Variants in CNTN1 observed in about 807,000 individuals in gnomAD.
CNTN1 encodes contactin 1.
A neutral mutation model predicts 126.4 loss-of-function variants in CNTN1; 38 were observed. The ratio of observed to expected loss-of-function variants is 0.30; its 90% CI spans 0.23 to 0.39. CNTN1 has a LOEUF of 0.39. Ranked by LOEUF, CNTN1 falls within the 10% of genes least tolerant of loss-of-function variation. CNTN1 has a pLI of 1.00. For synonymous variants in CNTN1, 413 were observed against 422.6 expected, an observed-to-expected ratio of 0.98 and a Z score of 0.28; for missense variants, 1,009 against 1,248.4, an observed-to-expected ratio of 0.81 and a Z score of 2.89.
intron 2 of CNTN1, 29 bp from the exon 3 acceptor site, chr12:40,910,044 A>T (rs1944971706): frequency 6.4e-7 from 1 of 1,558,280 alleles, no homozygotes; most frequent in Admixed American, 1.7e-5. Context: ...TTGCTTCAGG[A>T]TCAAAATTGT....
In CNTN1 at chr12:41,027,931, G is replaced by T; in HGVS notation, c.2785G>T (p.Val929Phe). 1 of 1,612,616 alleles carries T rather than the reference G, an allele frequency of 6.2e-7. No individual in the cohort carries two copies. Among genetic ancestry groups the T allele is most frequent in the Non-Finnish European group, 8.5e-7 (1 of 1,178,688 alleles). ...CTATATAATCACCTGGGATCATGTCGTTGCACTATCAAATGAATCTACAGT... is the reference window on the plus strand; with the variant it reads ...CTATATAATCACCTGGGATCATGTCTTTGCACTATCAAATGAATCTACAGT... The part of the protein sequence containing the change: ...SRYIITWDHV[V>F]ALSNESTVTG... The change falls in exon 22 of 24, where the codon GTT becomes TTT. Residue 929 changes from valine to phenylalanine, a missense_variant. Physicochemically the swap from Val to Phe is conservative, Grantham distance 50. Coordinates refer to ENST00000551295, the MANE Select transcript of CNTN1 (RefSeq NM_001843.4).
chr12:40,945,812 T>C (rs1463956827), intron 14 of CNTN1, among the ~76,000 whole-genome samples: 1 of 152,002 alleles, frequency 6.6e-6, no homozygotes, highest in African/African-American at 2.4e-5. Flanking sequence ...AAAGACCTTG[T>C]GGCCACTTAG....
At chr12:40,728,487 G>A (rs1229016332) in intron 1 of CNTN1, among the ~76,000 whole-genome samples, 2 of 152,088 alleles carry the variant, frequency 1.3e-5, no homozygotes, top group African/African-American at 4.8e-5. Flanking sequence ...ACTACCTAGC[G>A]ACTTCTGTTA....
chr12:40,814,132 C>G (rs1247230974), intron 1 of CNTN1, among the ~76,000 whole-genome samples: 3 of 152,142 alleles, frequency 2.0e-5, no homozygotes. Flanking sequence ...AAAATTTTCT[C>G]CCATTCTGTA....
At chr12:40,974,099 T>C (rs567624039) in intron 15 of CNTN1, among the ~76,000 whole-genome samples, 1 of 152,298 alleles carries the variant, frequency 6.6e-6, no homozygotes, top group Non-Finnish European at 1.5e-5. Flanking sequence ...TCCTCATTTT[T>C]AAAAATTAGT....
intron 1 of CNTN1, among the ~76,000 whole-genome samples, chr12:40,755,721 A>T (rs1938584413): frequency 6.6e-6 from 1 of 151,964 alleles, no homozygotes; most frequent in Non-Finnish European, 1.5e-5. Flanking sequence ...ACAAAAATTA[A>T]AAAGGGGAGA....
intron 1 of CNTN1, among the ~76,000 whole-genome samples, chr12:40,870,687 G>C (rs924324969): frequency 2.6e-5 from 4 of 152,048 alleles, no homozygotes; most frequent in African/African-American, 9.7e-5. Flanking sequence ...AGGTTTATGA[G>C]ATATTGTTGC....
chr12:40,825,051 A>T (rs1262103337), intron 1 of CNTN1, among the ~76,000 whole-genome samples: 2 of 152,182 alleles, frequency 1.3e-5, no homozygotes, highest in Admixed American at 6.5e-5. Context: ...CCTTGGAGGC[A>T]ACAACTGACT....
At chr12:40,861,515 A>AT (rs917682081) in intron 1 of CNTN1, among the ~76,000 whole-genome samples, 19 of 151,270 alleles carry the variant, frequency 1.3e-4, no homozygotes, top group African/African-American at 4.4e-4. Flanking sequence ...TTTCTCTTTG[A>AT]TTTTTTTTTC....
In CNTN1 at chr12:41,027,835, T is replaced by C. The variant is rs376487954; in HGVS notation, c.2711-22T>C. ...GAGATTGGATATAGTGACCACTGAT[T>C]GCATATTACTACTTTTCACAGCTCC... On this transcript the variant is annotated intron_variant, in intron 21 of 23. Coordinates refer to ENST00000551295, the MANE Select transcript of CNTN1 (RefSeq NM_001843.4). 1,567 of 1,418,574 alleles carry C rather than the reference T, an allele frequency of 1.1e-3. 2 individuals carry two copies. The highest frequency in any genetic ancestry group is 1.8e-3 in the South Asian group (154 of 87,168). The allele number at this position is 1,418,574 out of a possible 1,614,324, so 87.9% of individuals were successfully genotyped here.
chr12:40,791,313 G>A (rs1287322441), intron 1 of CNTN1, among the ~76,000 whole-genome samples: 1 of 152,062 alleles, frequency 6.6e-6, no homozygotes, highest in African/African-American at 2.4e-5. Context: ...CTGACAATAC[G>A]TATACGTAGA....
At chr12:40,895,056 C>T (rs1046633317) in intron 1 of CNTN1, among the ~76,000 whole-genome samples, 4 of 152,074 alleles carry the variant, frequency 2.6e-5, no homozygotes, top group African/African-American at 4.8e-5. Flanking sequence ...TCAAAGACTG[C>T]GACTCAAGTT....
chr12:40,851,289 C>T (rs1020449927), intron 1 of CNTN1, among the ~76,000 whole-genome samples: 63 of 152,334 alleles, frequency 4.1e-4, no homozygotes, highest in Middle Eastern at 3.4e-3. Context: ...TCACTTTTCT[C>T]TTTCCCTCTC....
chr12:41,055,901 A>G (rs1328353416), intron 23 of CNTN1, among the ~76,000 whole-genome samples: 10 of 152,148 alleles, frequency 6.6e-5, no homozygotes, highest in Admixed American at 6.6e-5. Context: ...TTGAAGAAGC[A>G]CGGGTACCTC....
intron 5 of CNTN1, among the ~76,000 whole-genome samples, chr12:40,922,919 C>T (rs1266029615): frequency 1.4e-5 from 2 of 143,916 alleles, no homozygotes; most frequent in Non-Finnish European, 3.0e-5. Flanking sequence ...TGCAGTAAGC[C>T]GAGATTGTGC....
At chr12:40,822,148 C>CTTTTTTTTTTTTTT (rs777953120) in intron 1 of CNTN1, among the ~76,000 whole-genome samples, 4 of 47,260 alleles carry the variant, frequency 8.5e-5, no homozygotes, top group Admixed American at 3.0e-4. Context: ...AAATATAAAT[C>CTTTTTTTTTTTTTT]TTTTTTTTTT....
intron 20 of CNTN1, among the ~76,000 whole-genome samples, chr12:41,023,278 A>T (rs781222785): frequency 2.6e-5 from 4 of 152,208 alleles, no homozygotes; most frequent in Non-Finnish European, 5.9e-5. Context: ...CTCAAGGTTC[A>T]TTTCCTGACA....
intron 1 of CNTN1, among the ~76,000 whole-genome samples, chr12:40,819,117 T>C (rs1043430870): frequency 6.6e-6 from 1 of 152,106 alleles, no homozygotes; most frequent in Non-Finnish European, 1.5e-5. Context: ...ATCGCTCCTG[T>C]ATAGGGTGTG....
chr12:41,007,741 T>C (rs1469262724), intron 17 of CNTN1, among the ~76,000 whole-genome samples: 1 of 152,198 alleles, frequency 6.6e-6, no homozygotes, highest in Non-Finnish European at 1.5e-5. Context: ...AAATGGGCTT[T>C]CCAGTTGACT....
Sources: gnomAD v4.1 joint callset for allele counts (sites outside exome capture counted in the v4.1 genomes callset) on GRCh38, gnomAD v4.1.1 for gene constraint, MANE v1.5 for transcripts, NCBI Gene and HGNC (gene_info 2026-07-23, HGNC 2026-07-21) for gene names.